The following ARHGAP6 variants were observed in gnomAD, a reference collection of about 807,000 sequenced individuals.
ARHGAP6 encodes the protein rho GTPase-activating protein 6.
In ARHGAP6, 16 loss-of-function variants were observed where a neutral mutation model predicts 55.7. The ratio of observed to expected loss-of-function variants is 0.29; its 90% CI spans 0.19 to 0.44. The LOEUF is 0.44. Among genes scored for constraint, ARHGAP6 ranks in the 20% least tolerant of loss-of-function variants. The pLI, the probability that ARHGAP6 is intolerant of heterozygous loss-of-function variation, is 1.00. For synonymous variants in ARHGAP6, 382 were observed against 360.9 expected, an observed-to-expected ratio of 1.06 and a Z score of -0.66; for missense variants, 698 against 808.9, an observed-to-expected ratio of 0.86 and a Z score of 1.66.
chrX:11,577,763 G>C (rs1185328703), intron 1 of ARHGAP6, among the ~76,000 whole-genome samples: 2 of 111,920 alleles, frequency 1.8e-5, no homozygotes, highest in Non-Finnish European at 3.8e-5. Context: ...GAGCACTGAT[G>C]GTGGCTTCCA....
chrX:11,492,289 C>T (rs1280677011), intron 1 of ARHGAP6, among the ~76,000 whole-genome samples: 4 of 111,157 alleles, frequency 3.6e-5, no homozygotes, highest in East Asian at 2.8e-4. Flanking sequence ...CTTGCCCATG[C>T]CTATGTCCTG....
At position 11,623,527 on chromosome X, in the gene ARHGAP6, T is replaced by TA. The variant is rs1169940058; in HGVS notation, c.588+40713dup. ...CAACACGGTGAAACCCCGTCTCTAC[T>TA]AAAAAAAAAAAATACAAATATTAGC... On this transcript the variant is annotated intron_variant, in intron 1 of 12. Coordinates refer to ENST00000337414, the MANE Select transcript of ARHGAP6 (RefSeq NM_013427.3). 9.7e-3 allele frequency among the ~76,000 whole-genome samples: 972 copies of TA among 100,324 alleles called. 7 individuals carry two copies. Among genetic ancestry groups the TA allele is most frequent in the African/African-American group, 0.028 (766 of 27,636 alleles). 87.1% of individuals were successfully genotyped at this position (100,324 alleles called of 115,157 possible). A position where few individuals can be genotyped will look rare whatever the true frequency, so the allele number is the denominator to read the frequency against.
At chrX:11,387,636 T>C (rs181693658) in intron 1 of ARHGAP6, among the ~76,000 whole-genome samples, 21 of 111,677 alleles carry the variant, frequency 1.9e-4, no homozygotes, top group Admixed American at 1.4e-3. Flanking sequence ...ATGTGCCATG[T>C]TGGTGTGCTG....
chrX:11,174,639 CTTT>C (rs1569241584), intron 8 of ARHGAP6, among the ~76,000 whole-genome samples: 5 of 62,336 alleles, frequency 8.0e-5, no homozygotes, highest in South Asian at 9.0e-4. Context: ...TTCTTTCTTT[CTTT>C]CTTTCTTTCT....
intron 1 of ARHGAP6, among the ~76,000 whole-genome samples, chrX:11,606,762 A>T (rs5935124): frequency 0.32 from 34,967 of 110,364 alleles, 4,194 homozygotes; most frequent in Middle Eastern, 0.39. Flanking sequence ...GAAAGTTTAG[A>T]CATTGTTTAA....
At position 11,379,814 on chromosome X, in the gene ARHGAP6, T is replaced by C. The variant is rs1391650960; in HGVS notation, c.589-125107A>G. On this transcript the variant is annotated intron_variant, in intron 1 of 12. Transcript: ENST00000337414. ...AAGGTACTTAATGAACTTGATTGCC[T>C]GGTTTCCTGTGTCAGCCTTAAATTC... 3.6e-5 allele frequency among the ~76,000 whole-genome samples: 4 copies of C among 110,738 alleles called. No homozygotes were observed. In the Admixed American group the frequency reaches 3.9e-4, roughly 11 times the overall value.
intron 1 of ARHGAP6, among the ~76,000 whole-genome samples, chrX:11,464,083 G>C (rs780965972): frequency 9.3e-6 from 1 of 107,054 alleles, no homozygotes; most frequent in Admixed American, 9.9e-5. Flanking sequence ...TTTTTGGATA[G>C]ATGCGGCTAA....
chrX:11,256,134 A>G (rs1365465269), intron 1 of ARHGAP6, among the ~76,000 whole-genome samples: 1 of 112,544 alleles, frequency 8.9e-6, no homozygotes, highest in Non-Finnish European at 1.9e-5. Context: ...TCACACCTGT[A>G]ATCCCAGCAC....
At chrX:11,247,865 C>T (rs2047372971) in intron 2 of ARHGAP6, among the ~76,000 whole-genome samples, 1 of 111,371 alleles carries the variant, frequency 9.0e-6, no homozygotes, top group Non-Finnish European at 1.9e-5. Context: ...CATTTACAAA[C>T]TAGATAGTCT....
At chrX:11,398,968 G>A (rs2147749030) in intron 1 of ARHGAP6, among the ~76,000 whole-genome samples, 1 of 112,104 alleles carries the variant, frequency 8.9e-6, no homozygotes, top group Admixed American at 9.5e-5. Flanking sequence ...TAACATTCGT[G>A]ATGATTCACT....
At chrX:11,568,691 A>C (rs995160461) in intron 1 of ARHGAP6, among the ~76,000 whole-genome samples, 8 of 106,860 alleles carry the variant, frequency 7.5e-5, no homozygotes, top group African/African-American at 2.7e-4. Flanking sequence ...CTAAGGGTAG[A>C]GGTTGCAGTG....
intron 12 of ARHGAP6, 23 bp from the exon 13 acceptor site, chrX:11,139,553 A>T (rs2045591718): frequency 8.9e-7 from 1 of 1,126,629 alleles, no homozygotes; most frequent in Non-Finnish European, 1.2e-6. Flanking sequence ...GAGAAAGCCC[A>T]AGAAATGGAA....
chrX:11,575,252 G>A (rs748199485), intron 1 of ARHGAP6, among the ~76,000 whole-genome samples: 2 of 111,924 alleles, frequency 1.8e-5, no homozygotes, highest in Non-Finnish European at 3.8e-5. Context: ...GACAGAAGAA[G>A]CCTGAGTCCT....
intron 2 of ARHGAP6, among the ~76,000 whole-genome samples, chrX:11,205,504 C>T (rs193002052): frequency 1.8e-5 from 2 of 111,973 alleles, no homozygotes; most frequent in African/African-American, 6.5e-5. Context: ...TATATTGTAC[C>T]CAAATATCTT....
intron 1 of ARHGAP6, among the ~76,000 whole-genome samples, chrX:11,535,558 AC>A (rs1210867682): frequency 8.9e-6 from 1 of 111,735 alleles, no homozygotes; most frequent in Non-Finnish European, 1.9e-5. Flanking sequence ...TCAATGATCA[AC>A]AGCTTTGATG....
At chrX:11,466,072 C>T (rs997698548) in intron 1 of ARHGAP6, among the ~76,000 whole-genome samples, 1 of 111,479 alleles carries the variant, frequency 9.0e-6, no homozygotes, top group Non-Finnish European at 1.9e-5. Context: ...TCCTGATCCA[C>T]TCAAAAGGAA....
chrX:11,575,631 A>G (rs1236001001), intron 1 of ARHGAP6, among the ~76,000 whole-genome samples: 1 of 112,162 alleles, frequency 8.9e-6, no homozygotes, highest in Admixed American at 9.5e-5. Context: ...TAGAATTAAA[A>G]TGTTAGCATA....
At chrX:11,583,871 A>G (rs1481403501) in intron 1 of ARHGAP6, among the ~76,000 whole-genome samples, 1 of 112,334 alleles carries the variant, frequency 8.9e-6, no homozygotes, top group Non-Finnish European at 1.9e-5. Flanking sequence ...CAATAAGTCA[A>G]GATGGAAAGA....
At chrX:11,460,040 T>C (rs2050229526) in intron 1 of ARHGAP6, among the ~76,000 whole-genome samples, 2 of 111,802 alleles carry the variant, frequency 1.8e-5, no homozygotes, top group Non-Finnish European at 3.8e-5. Flanking sequence ...CCCATGTGAG[T>C]GTAGGCAGGA....
Sources: gnomAD v4.1 joint callset for allele counts (sites outside exome capture counted in the v4.1 genomes callset) on GRCh38, gnomAD v4.1.1 for gene constraint, MANE v1.5 for transcripts, NCBI Gene and HGNC (gene_info 2026-07-23, HGNC 2026-07-21) for gene names.